The following TXNDC15 variants were observed in gnomAD, a reference collection of about 807,000 sequenced individuals.
TXNDC15 encodes thioredoxin domain-containing protein 15.
In TXNDC15, 24 loss-of-function variants were observed where a neutral mutation model predicts 35.0. The observed-to-expected ratio is 0.68, with a 90% confidence interval of 0.50 to 0.96. TXNDC15 has a LOEUF of 0.96. Among genes scored for constraint, TXNDC15 ranks in the 40% least tolerant of loss-of-function variants. The pLI, the probability that TXNDC15 is intolerant of heterozygous loss-of-function variation, is 0.00. For synonymous variants in TXNDC15, 169 were observed against 174.0 expected (o/e 0.97, Z 0.23); for missense variants, 385 against 453.3 (o/e 0.85, Z 1.37).
chr5:134,899,830 A>G lies in TXNDC15; in HGVS notation c.*145A>G. Reference sequence around the variant, plus strand: ...AATCATTTGTTGAACAACTGAATGTATAAAAAAATTATAAACTGGTGTTTT... The same window carrying G: ...AATCATTTGTTGAACAACTGAATGTGTAAAAAAATTATAAACTGGTGTTTT... On this transcript the variant is annotated 3_prime_UTR_variant, in exon 5 of 5. Transcript: ENST00000358387. The G allele has an allele frequency of 1.5e-6, 1 of 662,924 alleles. No individual in the cohort carries two copies. The highest frequency in any genetic ancestry group is 2.4e-6 in the Non-Finnish European group (1 of 417,902). The allele number at this position is 662,924 out of a possible 1,614,324, so 41.1% of individuals were successfully genotyped here.
intron 4 of TXNDC15, among the ~76,000 whole-genome samples, chr5:134,897,503 C>T (rs1292284968): frequency 6.6e-6 from 1 of 151,950 alleles, no homozygotes; most frequent in East Asian, 1.9e-4. Flanking sequence ...CCTGCCTTGG[C>T]CTCCCAGAGT....
chr5:134,880,718 C>CA, intron 1 of TXNDC15, among the ~76,000 whole-genome samples: 2 of 152,196 alleles, frequency 1.3e-5, no homozygotes, highest in Admixed American at 1.3e-4. Flanking sequence ...GCTGGGAGTA[C>CA]AGGCGTGAGC....
intron 2 of TXNDC15, chr5:134,892,121 T>A (rs374337986): frequency 2.0e-5 from 3 of 152,126 alleles, no homozygotes; most frequent in Admixed American, 2.0e-4. Context: ...GCCACCTTCA[T>A]CAATTCTCTT....
rs151263601 is a variant in TXNDC15, at chr5:134,894,991, T to A, written c.756-1303T>A. Among the ~76,000 whole-genome samples the A allele has an allele frequency of 5.5e-3, 841 of 152,058 alleles. 6 individuals are homozygous for A. Among genetic ancestry groups the A allele is most frequent in the African/African-American group, 0.018 (755 of 41,486 alleles). The stretch of plus-strand genomic sequence containing the variant: ...GAGTTTGAGACCAGCCTGGACAACA[T>A]GGCAGAACTCCATCTCTATAAAAAA... On this transcript the variant is annotated intron_variant, in intron 3 of 4. Transcript: ENST00000358387.
Position 134,883,719 on chromosome 5 carries a change from C to T in TXNDC15, c.104-3976C>T, listed in dbSNP as rs533196591. 3.4e-3 allele frequency among the ~76,000 whole-genome samples: 515 copies of T among 151,422 alleles called. 3 individuals carry two copies. The highest frequency in any genetic ancestry group is 0.023 in the South Asian group (108 of 4,782). ...CTTGGGGCCAGGAGTTTGAGACCAG[C>T]CTGACCAATATGGCGAAACCCCATC... On this transcript the variant is annotated intron_variant, in intron 1 of 4. Transcript: ENST00000358387.
chr5:134,890,496 C>A (rs2150188508), intron 2 of TXNDC15, among the ~76,000 whole-genome samples: 1 of 152,050 alleles, frequency 6.6e-6, no homozygotes, highest in Non-Finnish European at 1.5e-5. Flanking sequence ...CAACCTCCAT[C>A]TACCAGGTTC....
At chr5:134,890,122 C>G (rs186696314) in intron 2 of TXNDC15, among the ~76,000 whole-genome samples, 1 of 152,088 alleles carries the variant, frequency 6.6e-6, no homozygotes, top group East Asian at 1.9e-4. Flanking sequence ...CCTTGACCTC[C>G]CAGGCTCAAG....
At chr5:134,882,804 C>T (rs1251759138) in intron 1 of TXNDC15, among the ~76,000 whole-genome samples, 1 of 151,922 alleles carries the variant, frequency 6.6e-6, no homozygotes, top group Non-Finnish European at 1.5e-5. Context: ...AGTCCAGCTT[C>T]GGCTCGGCAT....
At chr5:134,890,235 A>G (rs1446314863) in intron 2 of TXNDC15, among the ~76,000 whole-genome samples, 2 of 151,104 alleles carry the variant, frequency 1.3e-5, no homozygotes, top group East Asian at 1.9e-4. Context: ...AGGTCTCACT[A>G]TGTTGCATAG....
intron 2 of TXNDC15, among the ~76,000 whole-genome samples, chr5:134,890,913 G>A (rs527724550): frequency 3.7e-4 from 56 of 152,290 alleles, no homozygotes; most frequent in African/African-American, 1.3e-3. Flanking sequence ...ATCTTCACCA[G>A]GCGTAGATGC....
chr5:134,887,997 G>A lies in TXNDC15; in HGVS notation c.406G>A (p.Ala136Thr), dbSNP rs1468669971. ...AGAGAGCCTTTTCTCTCTGGATGGCGCTGGAGCACACTTCCCTGACAGAGA... is the reference window on the plus strand; with the variant it reads ...AGAGAGCCTTTTCTCTCTGGATGGCACTGGAGCACACTTCCCTGACAGAGA... ...VRESLFSLDGAGAHFPDREEE... is the reference protein window; with the variant it reads ...VRESLFSLDGTGAHFPDREEE... The change falls in exon 2 of 5, where the codon GCT becomes ACT. Residue 136 changes from alanine to threonine, a missense_variant. Transcript: ENST00000358387. 21 of 1,614,114 alleles carry A rather than the reference G, an allele frequency of 1.3e-5. No homozygotes were observed. Among genetic ancestry groups the A allele is most frequent in the South Asian group, 3.3e-5 (3 of 91,082 alleles).
intron 3 of TXNDC15, 101 bp from the exon 4 acceptor site, chr5:134,896,193 G>A (rs931928839): frequency 6.4e-6 from 9 of 1,395,812 alleles, no homozygotes; most frequent in South Asian, 1.4e-5. Flanking sequence ...TAGGTCACAC[G>A]CAACTTCCTC....
Position 134,874,419 on chromosome 5 carries a change from G to T in TXNDC15, c.-9G>T. ...GTAGCCGTGCGCCGATTGCCTCTCG[G>T]CCTGGGCAATGGTCCCGGCTGCCGG... On this transcript the variant is annotated 5_prime_UTR_variant, in exon 1 of 5. Transcript: ENST00000358387. 6.3e-7 allele frequency: 1 copy of T among 1,593,384 alleles called. No homozygotes were observed. The highest frequency in any genetic ancestry group is 8.5e-7 in the Non-Finnish European group (1 of 1,174,282).
chr5:134,893,361 G>A (rs1750424901), intron 2 of TXNDC15, 131 bp from the exon 3 acceptor site: 1 of 1,035,218 alleles, frequency 9.7e-7, no homozygotes, highest in South Asian at 1.6e-5. Flanking sequence ...AAGGTTCCGA[G>A]GGTTCCTTCT....
At chr5:134,897,207 T>A (rs1236901060) in intron 4 of TXNDC15, among the ~76,000 whole-genome samples, 1 of 151,722 alleles carries the variant, frequency 6.6e-6, no homozygotes, top group Non-Finnish European at 1.5e-5. Context: ...GTGCTGGGAT[T>A]TTACAGGTGT....
chr5:134,886,700 C>T (rs898211045), intron 1 of TXNDC15, among the ~76,000 whole-genome samples: 49 of 152,364 alleles, frequency 3.2e-4, no homozygotes, highest in African/African-American at 9.6e-4. Context: ...GAGGCCACCT[C>T]AGGAAGGAGC....
rs1031818955 is a variant in TXNDC15, at chr5:134,901,184, T to G, written c.*1499T>G. 3.3e-5 allele frequency: 5 copies of G among 152,370 alleles called. No individual in the cohort carries two copies. The East Asian group carries it at 9.6e-4, about 29-fold the overall frequency. 9.4% of individuals were successfully genotyped at this position (152,370 alleles called of 1,614,324 possible). A position where few individuals can be genotyped will look rare whatever the true frequency, so the allele number is the denominator to read the frequency against. On this transcript the variant is annotated 3_prime_UTR_variant, in exon 5 of 5. Coordinates refer to ENST00000358387, the MANE Select transcript of TXNDC15 (RefSeq NM_024715.4). Reference sequence around the variant, plus strand: ...ATAAATTACTTTTATACTAATTGTTTCCAGGGTTTTAGAGTAGTTGAATGT... The same window carrying G: ...ATAAATTACTTTTATACTAATTGTTGCCAGGGTTTTAGAGTAGTTGAATGT...
intron 3 of TXNDC15, among the ~76,000 whole-genome samples, chr5:134,894,583 G>A (rs915573445): frequency 6.6e-6 from 1 of 151,948 alleles, no homozygotes; most frequent in East Asian, 1.9e-4. Context: ...GGCTGGTCTC[G>A]AACTCCTGAC....
intron 2 of TXNDC15, among the ~76,000 whole-genome samples, chr5:134,891,672 C>T (rs1322580624): frequency 6.6e-6 from 1 of 152,162 alleles, no homozygotes; most frequent in East Asian, 1.9e-4. Context: ...TACCTGTAAT[C>T]CCAGTACTTT....
Sources: allele counts gnomAD v4.1 joint callset (sites outside exome capture counted in the v4.1 genomes callset), GRCh38; gene constraint gnomAD v4.1.1; transcripts MANE v1.5; gene names NCBI Gene and HGNC (gene_info 2026-07-23, HGNC 2026-07-21).